Variants in ZNRF1 observed in about 807,000 individuals in gnomAD.
ZNRF1 encodes the protein E3 ubiquitin-protein ligase ZNRF1.
In ZNRF1, 3 loss-of-function variants were observed where a neutral mutation model predicts 18.4. The observed-to-expected ratio is 0.16, with a 90% CI of 0.07 to 0.42. The LOEUF (loss-of-function observed/expected upper bound fraction) is 0.42. ZNRF1 is among the 10% of genes least tolerant of loss of function. The pLI is 0.99. For missense variants in ZNRF1, 310 were observed against 329.8 expected (o/e 0.94, Z 0.47); for synonymous variants, 157 against 144.2 (o/e 1.09, Z -0.64).
chr16:75,013,732 G>C (rs2035029662), intron 1 of ZNRF1, among the ~76,000 whole-genome samples: 1 of 152,120 alleles, frequency 6.6e-6, no homozygotes, highest in African/African-American at 2.4e-5. Context: ...ATTTCAATTT[G>C]GTTCACTTGT....
At chr16:75,007,427 A>G (rs1028786754) in intron 1 of ZNRF1, among the ~76,000 whole-genome samples, 1 of 152,184 alleles carries the variant, frequency 6.6e-6, no homozygotes, top group African/African-American at 2.4e-5. Context: ...AGACCTCCCT[A>G]GAGTCGTTAG....
chr16:75,059,243 T>A, intron 1 of ZNRF1, among the ~76,000 whole-genome samples: 2 of 85,454 alleles, frequency 2.3e-5, no homozygotes, highest in South Asian at 4.8e-4. Flanking sequence ...TTTTTTTTTT[T>A]TCTTTTTTTT....
At chr16:75,079,727 AC>A (rs1332497593) in intron 1 of ZNRF1, among the ~76,000 whole-genome samples, 1 of 152,010 alleles carries the variant, frequency 6.6e-6, no homozygotes, top group Non-Finnish European at 1.5e-5. Flanking sequence ...ATTTCAAAAC[AC>A]AGTTGTGGCC....
At position 75,097,612 on chromosome 16, in the gene ZNRF1, G is replaced by A. The variant is rs1288486158; in HGVS notation, c.520+3945G>A. ...GGGAACCGAGATTGCTTGAGCTCAG[G>A]AATTTGAAACCAGCCTGGGCAACAT... is the stretch of plus-strand genomic sequence containing the variant. On this transcript the variant is annotated intron_variant, in intron 2 of 4. Transcript: ENST00000335325. Among the ~76,000 whole-genome samples, 3 of 152,128 alleles carry A rather than the reference G, an allele frequency of 2.0e-5. 1 individual carries two copies. Among genetic ancestry groups the A allele is most frequent in the Non-Finnish European group, 4.4e-5 (3 of 68,026 alleles).
At chr16:75,073,254 A>AT (rs575700378) in intron 1 of ZNRF1, among the ~76,000 whole-genome samples, 83 of 149,594 alleles carry the variant, frequency 5.5e-4, no homozygotes, top group Admixed American at 1.0e-3. Context: ...TTGAGGCAAG[A>AT]TTTTTTTTTT....
At chr16:75,030,201 A>G (rs1391818483) in intron 1 of ZNRF1, among the ~76,000 whole-genome samples, 1 of 152,198 alleles carries the variant, frequency 6.6e-6, no homozygotes, top group East Asian at 1.9e-4. Context: ...TACTCATGAC[A>G]GTACAGAAAT....
At chr16:75,003,151 G>A (rs549832284) in intron 1 of ZNRF1, among the ~76,000 whole-genome samples, 1 of 152,134 alleles carries the variant, frequency 6.6e-6, no homozygotes, top group Non-Finnish European at 1.5e-5. Flanking sequence ...TTGTAGAGAC[G>A]GGATTTCTCC....
intron 1 of ZNRF1, among the ~76,000 whole-genome samples, chr16:75,054,474 C>A (rs1597883585): frequency 6.6e-6 from 1 of 152,168 alleles, no homozygotes; most frequent in South Asian, 2.1e-4. Context: ...CTGCCTGATT[C>A]TCTGGGCAGA....
intron 1 of ZNRF1, among the ~76,000 whole-genome samples, chr16:75,031,021 A>G (rs1010553939): frequency 3.3e-5 from 5 of 151,746 alleles, no homozygotes; most frequent in African/African-American, 4.8e-5. Flanking sequence ...TATTTTTAGT[A>G]GAGATGGGGT....
rs368971693 is a variant in ZNRF1 at position 75,026,257 on chromosome 16, TA to T, written c.424+26163del. 7.1e-4 allele frequency among the ~76,000 whole-genome samples: 108 copies of T among 152,306 alleles called. 1 individual carries two copies. In the South Asian group the frequency reaches 9.3e-3, roughly 13 times the overall value. On this transcript the variant is annotated intron_variant, in intron 1 of 4. Coordinates refer to ENST00000335325, the MANE Select transcript of ZNRF1 (RefSeq NM_032268.5). Reference sequence around the variant, plus strand: ...AAAAGAAAAACATTCTAAGGTTATTTATTTTTTTTTTTAAGCTGTTGCTGTT... The same window carrying T: ...AAAAGAAAAACATTCTAAGGTTATTTTTTTTTTTTTTAAGCTGTTGCTGTT...
intron 1 of ZNRF1, among the ~76,000 whole-genome samples, chr16:75,076,170 G>A (rs977573876): frequency 6.6e-6 from 1 of 152,102 alleles, no homozygotes; most frequent in Non-Finnish European, 1.5e-5. Flanking sequence ...ACAAATATTT[G>A]GATTGTTATT....
intron 1 of ZNRF1, among the ~76,000 whole-genome samples, chr16:75,028,778 G>A (rs549472446): frequency 2.0e-4 from 30 of 152,192 alleles, no homozygotes; most frequent in Admixed American, 7.9e-4. Context: ...CCTATTGTCA[G>A]TTCTCAGTTT....
intron 1 of ZNRF1, chr16:75,002,377 T>C (rs1312316687): frequency 6.6e-6 from 1 of 152,224 alleles, no homozygotes; most frequent in African/African-American, 2.4e-5. Context: ...TTGAGTAAGG[T>C]CTAAGCAGCT....
chr16:75,069,062 G>T (rs2035838089), intron 1 of ZNRF1, among the ~76,000 whole-genome samples: 1 of 151,954 alleles, frequency 6.6e-6, no homozygotes, highest in Non-Finnish European at 1.5e-5. Flanking sequence ...ACTTTCTGCT[G>T]CTCTTTAGCC....
chr16:75,028,967 G>C (rs1253583370), intron 1 of ZNRF1, among the ~76,000 whole-genome samples: 1 of 152,028 alleles, frequency 6.6e-6, no homozygotes, highest in Non-Finnish European at 1.5e-5. Flanking sequence ...CGAAGGCTTA[G>C]TCCTTGAACC....
intron 1 of ZNRF1, among the ~76,000 whole-genome samples, chr16:75,050,870 C>CAAAAAAAAA (rs1165011147): frequency 1.1e-4 from 1 of 9,242 alleles, no homozygotes; most frequent in African/African-American, 2.0e-4. Flanking sequence ...GACTCCGTCT[C>CAAAAAAAAA]AAAAAAAAAA....
chr16:75,107,708 G>A (rs764730257), intron 4 of ZNRF1, 25 bp from the exon 5 acceptor site: 36 of 456,214 alleles, frequency 7.9e-5, no homozygotes, highest in Non-Finnish European at 1.3e-4. Context: ...GATGGAGCAC[G>A]ACTTATTTAT....
intron 1 of ZNRF1, among the ~76,000 whole-genome samples, chr16:75,025,229 G>A (rs941811712): frequency 1.3e-5 from 2 of 151,782 alleles, no homozygotes; most frequent in South Asian, 2.1e-4. Flanking sequence ...CACCACACCC[G>A]GCTAATTTTT....
At chr16:75,089,465 G>A (rs2036110814) in intron 1 of ZNRF1, among the ~76,000 whole-genome samples, 1 of 152,168 alleles carries the variant, frequency 6.6e-6, no homozygotes, top group African/African-American at 2.4e-5. Context: ...GGTAGTAGAT[G>A]CTGGTGTTAC....
Sources: gnomAD v4.1 joint callset for allele counts (sites outside exome capture counted in the v4.1 genomes callset) on GRCh38, gnomAD v4.1.1 for gene constraint, MANE v1.5 for transcripts, NCBI Gene and HGNC (gene_info 2026-07-23, HGNC 2026-07-21) for gene names.